The following COLEC10 variants were observed in gnomAD, a reference collection of about 807,000 sequenced individuals.
The protein encoded by COLEC10 is collectin subfamily member 10, also known as collectin-10.
A neutral mutation model predicts 28.4 loss-of-function variants in COLEC10; 22 were observed. The observed-to-expected ratio is 0.78, with a 90% CI of 0.55 to 1.11. COLEC10 has a LOEUF of 1.11. Ranked by LOEUF, COLEC10 falls within the 50% of genes least tolerant of loss-of-function variation. COLEC10 has a pLI of 0.00. For missense variants in COLEC10, 361 were observed against 344.1 expected (o/e 1.05, Z -0.39); for synonymous variants, 125 against 116.1 (o/e 1.08, Z -0.49).
the COLEC10 span, among the ~76,000 whole-genome samples, chr8:118,971,634 C>A: frequency 6.6e-6 from 1 of 151,922 alleles, no homozygotes; most frequent in South Asian, 2.1e-4. Flanking sequence ...TTTTCTCTTT[C>A]AAGGGTATGC....
chr8:119,086,247 A>T (rs1272277691), intron 1 of COLEC10, among the ~76,000 whole-genome samples: 2 of 152,186 alleles, frequency 1.3e-5, no homozygotes, highest in African/African-American at 4.8e-5. Context: ...GTAAAATTGA[A>T]ATTAGCTTAT....
chr8:119,023,399 G>T (rs1326155755), intron 2 of COLEC10, among the ~76,000 whole-genome samples: 6 of 152,026 alleles, frequency 3.9e-5, no homozygotes, highest in Non-Finnish European at 5.9e-5. Context: ...ACAATTTCAA[G>T]AGAAACTTTA....
the COLEC10 span, among the ~76,000 whole-genome samples, chr8:118,954,146 T>C: frequency 3.3e-5 from 5 of 152,340 alleles, no homozygotes; most frequent in African/African-American, 9.6e-5. Flanking sequence ...TGGCTCTCCC[T>C]GCAAAGGAGC....
rs912032248 is a variant in COLEC10 at position 119,012,892 on chromosome 8, G to T, written n.235+3339G>T. ...TAGGCTAGCTAGAGGCTTATTGATT[G>T]TATTTATCTATTCAAAGTCTCAACT... On this transcript the variant is annotated intron_variant and non_coding_transcript_variant, in intron 2 of 6. Coordinates refer to the COLEC10 transcript ENST00000521788. Among the ~76,000 whole-genome samples the T allele has an allele frequency of 1.6e-4, 24 of 150,098 alleles. 1 individual carries two copies. The highest frequency in any genetic ancestry group is 4.0e-4 in the Admixed American group (6 of 15,100).
At position 119,106,046 on chromosome 8, in the gene COLEC10, A is replaced by G. The variant is rs778150778; in HGVS notation, c.689A>G (p.Asn230Ser). The change falls in exon 6 of 6, where the codon AAC becomes AGC. Residue 230 changes from asparagine (N) to serine (S), a missense_variant. Around this residue, in one of 3 missense-constraint regions of COLEC10, gnomAD observed 335 missense variants for 308.5 expected, o/e 1.09. Transcript: ENST00000332843. ...YMFTDNTPLQ[N>S]YSNWNEGEPS... is the part of the protein sequence containing the mutation. ...TTCACAGACAACACTCCACTGCAGA[A>G]CTATAGCAACTGGAATGAGGGGGAA... 1 of 1,613,936 alleles carries G rather than the reference A, an allele frequency of 6.2e-7. No homozygotes were observed. Among genetic ancestry groups the G allele is most frequent in the Admixed American group, 1.7e-5 (1 of 59,962 alleles).
At chr8:118,978,660 A>C in the COLEC10 span, among the ~76,000 whole-genome samples, 1 of 152,076 alleles carries the variant, frequency 6.6e-6, no homozygotes, top group Non-Finnish European at 1.5e-5. Flanking sequence ...ATACACATAT[A>C]TGTATATGAT....
intron 1 of COLEC10, among the ~76,000 whole-genome samples, chr8:119,081,840 T>C (rs1815376471): frequency 6.6e-6 from 1 of 152,202 alleles, no homozygotes; most frequent in Non-Finnish European, 1.5e-5. Flanking sequence ...GATAGTAGAA[T>C]GGTGGAAATA....
chr8:118,980,794 T>G, the COLEC10 span, among the ~76,000 whole-genome samples: 4 of 152,100 alleles, frequency 2.6e-5, no homozygotes, highest in Admixed American at 2.6e-4. Flanking sequence ...AAGTTTCATT[T>G]GTAGTTTAAT....
rs1053218143 is a variant in COLEC10, at chr8:119,049,030, T to C, written n.235+39477T>C. 3.9e-5 allele frequency among the ~76,000 whole-genome samples: 6 copies of C among 152,224 alleles called. No homozygotes were observed. The South Asian group carries it at 1.2e-3, about 31-fold the overall frequency. On this transcript the variant is annotated intron_variant and non_coding_transcript_variant, in intron 2 of 6. Transcript: ENST00000521788. ...AGGACCTCTTATAAGGCTGGTCTTGTTGAAATGTATTCCCTCAGCATTTGT... is the reference window on the plus strand; with the variant it reads ...AGGACCTCTTATAAGGCTGGTCTTGCTGAAATGTATTCCCTCAGCATTTGT...
At chr8:118,990,674 T>A (rs1813490779), upstream of COLEC10, among the ~76,000 whole-genome samples, 1 of 152,104 alleles carries the variant, frequency 6.6e-6, no homozygotes, top group African/African-American at 2.4e-5. Context: ...ATGGGTGCAA[T>A]ATGACCCTGC....
In COLEC10 at chr8:119,009,743, G is replaced by A. The variant is rs1586995882; in HGVS notation, n.235+190G>A. Among the ~76,000 whole-genome samples, 3 of 150,644 alleles carry A rather than the reference G, an allele frequency of 2.0e-5. No homozygotes were observed. In the South Asian group the frequency reaches 6.2e-4, roughly 31 times the overall value. On this transcript the variant is annotated intron_variant and non_coding_transcript_variant, in intron 2 of 6. Coordinates refer to the COLEC10 transcript ENST00000521788. The stretch of plus-strand genomic sequence containing the variant: ...ATCACCTTTGATCTGCTCATCTATA[G>A]ATTAAGGATTGAAATCACTTCAAGA...
intron 2 of COLEC10, among the ~76,000 whole-genome samples, chr8:119,021,407 T>C (rs1448519436): frequency 6.6e-6 from 1 of 152,170 alleles, no homozygotes; most frequent in African/African-American, 2.4e-5. Context: ...GCAACAATTA[T>C]GCCCAAGACA....
At chr8:118,999,724 G>A (rs954904420) in intron 1 of COLEC10, among the ~76,000 whole-genome samples, 9 of 152,146 alleles carry the variant, frequency 5.9e-5, no homozygotes, top group Non-Finnish European at 8.8e-5. Flanking sequence ...GGTCAGATTT[G>A]TTGAATCCTA....
chr8:119,014,333 C>T lies in COLEC10; in HGVS notation n.235+4780C>T, dbSNP rs920661403. ...CTCCTTCACTTTTGCAGAATAATTTCGCAGGGTACAGCATTCTAGATTGGT... is the reference window on the plus strand; with the variant it reads ...CTCCTTCACTTTTGCAGAATAATTTTGCAGGGTACAGCATTCTAGATTGGT... On this transcript the variant is annotated intron_variant and non_coding_transcript_variant, in intron 2 of 6. Transcript: ENST00000521788. 8.0e-5 allele frequency among the ~76,000 whole-genome samples: 12 copies of T among 149,428 alleles called. 1 individual carries two copies. Among genetic ancestry groups the T allele is most frequent in the African/African-American group, 1.5e-4 (6 of 39,520 alleles).
chr8:118,993,853 A>C (rs1813545753), upstream of COLEC10, among the ~76,000 whole-genome samples: 1 of 152,170 alleles, frequency 6.6e-6, no homozygotes, highest in African/African-American at 2.4e-5. Context: ...CTTAATTCAC[A>C]CTATAATAGG....
At chr8:119,103,725 G>A in intron 4 of COLEC10, 75 bp from the exon 5 acceptor site, 1 of 862,422 alleles carries the variant, frequency 1.2e-6, no homozygotes, top group Non-Finnish European at 2.0e-6. Flanking sequence ...GTGAATATTG[G>A]AAAGAGAGCA....
At chr8:119,050,125 G>A (rs561555416) in intron 2 of COLEC10, among the ~76,000 whole-genome samples, 1 of 152,248 alleles carries the variant, frequency 6.6e-6, no homozygotes, top group South Asian at 2.1e-4. Flanking sequence ...TACATGTAAA[G>A]TACTTGCAAC....
At chr8:118,977,980 C>T in the COLEC10 span, among the ~76,000 whole-genome samples, 7 of 151,814 alleles carry the variant, frequency 4.6e-5, no homozygotes, top group Non-Finnish European at 1.0e-4. Flanking sequence ...CATAAAGCCC[C>T]AGTCGCTAGT....
chr8:119,027,262 T>C (rs1210429633), intron 2 of COLEC10, among the ~76,000 whole-genome samples: 1 of 152,124 alleles, frequency 6.6e-6, no homozygotes, highest in Non-Finnish European at 1.5e-5. Flanking sequence ...TTAACCTATA[T>C]CAAAAGATAT....
Sources: gnomAD v4.1 joint callset for allele counts (sites outside exome capture counted in the v4.1 genomes callset) on GRCh38, gnomAD v4.1.1 for gene constraint, gnomAD v4.1.1 regional missense constraint, MANE v1.5 for transcripts, NCBI Gene and HGNC (gene_info 2026-07-23, HGNC 2026-07-21) for gene names.